Variants in NFIB observed in about 807,000 individuals in gnomAD.
The protein encoded by NFIB is nuclear factor I B.
Under a neutral mutation model 61.5 loss-of-function variants are expected in NFIB, and 11 were observed. The ratio of observed to expected loss-of-function variants is 0.18; its 90% CI spans 0.11 to 0.30. The LOEUF (loss-of-function observed/expected upper bound fraction) is 0.30. NFIB is among the 10% of genes least tolerant of loss of function. The probability of loss-of-function intolerance (pLI) is 1.00; values close to 1 mark genes in which losing one functional copy is unlikely to be tolerated. For synonymous variants in NFIB, 260 were observed against 216.5 expected (o/e 1.20, Z -1.76); for missense variants, 471 against 608.9 (o/e 0.77, Z 2.38).
intron 1 of NFIB, among the ~76,000 whole-genome samples, chr9:14,368,540 T>A (rs1428894796): frequency 2.0e-5 from 3 of 152,240 alleles, no homozygotes; most frequent in Non-Finnish European, 4.4e-5. Flanking sequence ...CTTGGAGTGG[T>A]ACAGAGTGGC....
chr9:14,257,611 C>T (rs2056348051), intron 2 of NFIB, among the ~76,000 whole-genome samples: 1 of 152,044 alleles, frequency 6.6e-6, no homozygotes. Context: ...AAAAAATTAG[C>T]CGGGCATGGT....
At chr9:14,499,078 TTGTG>T in the NFIB span, among the ~76,000 whole-genome samples, 3 of 150,226 alleles carry the variant, frequency 2.0e-5, no homozygotes, top group Non-Finnish European at 4.4e-5. Flanking sequence ...GTGTGTGTGT[TTGTG>T]TGTGTGTGAG....
At chr9:14,101,173 A>G (rs2035724447) in intron 10 of NFIB, among the ~76,000 whole-genome samples, 2 of 152,314 alleles carry the variant, frequency 1.3e-5, no homozygotes, top group South Asian at 4.1e-4. Context: ...CGTTGAGTTT[A>G]TCTTCTTTTT....
chr9:14,135,775 A>G (rs1253544397), intron 6 of NFIB, among the ~76,000 whole-genome samples: 12 of 152,174 alleles, frequency 7.9e-5, no homozygotes, highest in Non-Finnish European at 2.9e-5. Context: ...AGATTTCTCA[A>G]CCATTTTTTT....
chr9:14,524,685 A>C, the NFIB span, among the ~76,000 whole-genome samples: 1 of 152,186 alleles, frequency 6.6e-6, no homozygotes, highest in Non-Finnish European at 1.5e-5. Flanking sequence ...GTGCATTGTT[A>C]TCTGAAGGAT....
chr9:14,379,390 G>C (rs1008788261), intron 1 of NFIB, among the ~76,000 whole-genome samples: 2 of 152,218 alleles, frequency 1.3e-5, no homozygotes, highest in African/African-American at 4.8e-5. Context: ...AAAAGCTGCT[G>C]TGTAAAATAA....
intron 1 of NFIB, among the ~76,000 whole-genome samples, chr9:14,372,212 C>T (rs1327444602): frequency 1.3e-5 from 2 of 151,732 alleles, no homozygotes; most frequent in Admixed American, 1.3e-4. Context: ...AACGATTTTT[C>T]GTGCTCTGGC....
chr9:14,418,166 A>C, the NFIB span, among the ~76,000 whole-genome samples: 1 of 152,148 alleles, frequency 6.6e-6, no homozygotes, highest in Non-Finnish European at 1.5e-5. Flanking sequence ...AATATAATCT[A>C]TATCAGAACT....
At chr9:14,480,854 G>C in the NFIB span, among the ~76,000 whole-genome samples, 16 of 152,028 alleles carry the variant, frequency 1.1e-4, no homozygotes, top group Non-Finnish European at 2.1e-4. Context: ...CCTGTAGTAT[G>C]AAGCCTTTCA....
At chr9:14,460,807 A>C in the NFIB span, among the ~76,000 whole-genome samples, 1 of 152,066 alleles carries the variant, frequency 6.6e-6, no homozygotes, top group Admixed American at 6.5e-5. Context: ...AAGGATAATG[A>C]AATCCAAATT....
chr9:14,511,801 C>G, the NFIB span, among the ~76,000 whole-genome samples: 4 of 152,276 alleles, frequency 2.6e-5, no homozygotes, highest in African/African-American at 9.6e-5. Flanking sequence ...AATGTTTATA[C>G]ATTTATAATA....
At chr9:14,297,648 T>A (rs2059520282) in intron 2 of NFIB, among the ~76,000 whole-genome samples, 1 of 152,184 alleles carries the variant, frequency 6.6e-6, no homozygotes, top group Non-Finnish European at 1.5e-5. Context: ...GTCTCTCATC[T>A]GTCAGTGTAT....
chr9:14,429,312 G>A, the NFIB span, among the ~76,000 whole-genome samples: 3 of 152,120 alleles, frequency 2.0e-5, no homozygotes, highest in African/African-American at 4.8e-5. Context: ...TAATCTCTCC[G>A]GTTTGCTAAG....
intron 7 of NFIB, among the ~76,000 whole-genome samples, chr9:14,125,111 T>G (rs571613543): frequency 1.3e-5 from 2 of 152,022 alleles, no homozygotes; most frequent in East Asian, 3.9e-4. Flanking sequence ...TTAAGGTAAT[T>G]TTAAAACACA....
intron 3 of NFIB, among the ~76,000 whole-genome samples, chr9:14,179,515 T>C (rs2046525954): frequency 6.6e-6 from 1 of 152,108 alleles, no homozygotes; most frequent in Non-Finnish European, 1.5e-5. Flanking sequence ...CCAACAAAAA[T>C]TAAAACATTG....
At chr9:14,167,949 C>A (rs1479215985) in intron 3 of NFIB, among the ~76,000 whole-genome samples, 2 of 152,156 alleles carry the variant, frequency 1.3e-5, no homozygotes, top group African/African-American at 4.8e-5. Context: ...TATTCTGAAT[C>A]AGCAATTATA....
At chr9:14,505,233 A>G in the NFIB span, among the ~76,000 whole-genome samples, 1 of 152,068 alleles carries the variant, frequency 6.6e-6, no homozygotes, top group Non-Finnish European at 1.5e-5. Flanking sequence ...GATCTTTTTG[A>G]CATGCTGTTG....
At chr9:14,388,297 C>A (rs1287752400) in intron 1 of NFIB, among the ~76,000 whole-genome samples, 1 of 151,260 alleles carries the variant, frequency 6.6e-6, no homozygotes, top group African/African-American at 2.4e-5. Context: ...ATTAATTGAG[C>A]CTGGGAGGTT....
chr9:14,175,145 A>AT (rs1450038716), intron 3 of NFIB, among the ~76,000 whole-genome samples: 1 of 135,772 alleles, frequency 7.4e-6, no homozygotes, highest in Non-Finnish European at 1.6e-5. Context: ...CTATCTCAAA[A>AT]TTTTTATGAC....
Sources: allele counts gnomAD v4.1 joint callset (sites outside exome capture counted in the v4.1 genomes callset), GRCh38; gene constraint gnomAD v4.1.1; transcripts MANE v1.5; gene names NCBI Gene and HGNC (gene_info 2026-07-23, HGNC 2026-07-21).